HNRNPU: variants seen among roughly 807,000 people sequenced by gnomAD.
The protein encoded by HNRNPU is heterogeneous nuclear ribonucleoprotein U, also known as HNRNPU antisense RNA 1.
Under a neutral mutation model 94.7 loss-of-function variants are expected in HNRNPU, and 5 were observed. The ratio of observed to expected loss-of-function variants is 0.05; its 90% CI spans 0.03 to 0.11. HNRNPU has a LOEUF of 0.11. Among genes scored for constraint, HNRNPU ranks in the 10% least tolerant of loss-of-function variants. HNRNPU has a pLI of 1.00. For missense variants in HNRNPU, 710 were observed against 1,049.2 expected (o/e 0.68, Z 4.47); for synonymous variants, 434 against 381.6 (o/e 1.14, Z -1.60).
At position 244,858,486 on chromosome 1, in the gene HNRNPU, G is replaced by A. The variant is rs139419100; in HGVS notation, c.1231-212C>T. On this transcript the variant is annotated intron_variant, in intron 6 of 13. Transcript: ENST00000640218. Reference sequence around the variant, plus strand: ...AACCAGAAACAATACTGACCTAGAAGCTAGACTGAATTTTCTAGGTCAATT... The same window carrying A: ...AACCAGAAACAATACTGACCTAGAAACTAGACTGAATTTTCTAGGTCAATT... 174 of 609,744 alleles carry A rather than the reference G, an allele frequency of 2.9e-4. 1 individual carries two copies. The East Asian group carries it at 4.7e-3, about 17-fold the overall frequency. The allele number at this position is 609,744 out of a possible 1,614,324, so 37.8% of individuals were successfully genotyped here. A position where few individuals can be genotyped will look rare whatever the true frequency, so the allele number is the denominator to read the frequency against.
chr1:244,863,076 C>T (rs537861618), intron 1 of HNRNPU: 2 of 286,928 alleles, frequency 7.0e-6, no homozygotes, highest in South Asian at 8.8e-5. Context: ...GCCCGCGCTC[C>T]CCGCGGCCGC....
rs563840456 is a variant in HNRNPU at position 244,852,841 on chromosome 1, C to T, written c.*1609G>A. 4 of 152,728 alleles carry T rather than the reference C, an allele frequency of 2.6e-5. No individual in the cohort carries two copies. In the South Asian group the frequency reaches 8.3e-4, roughly 32 times the overall value. 9.5% of individuals were successfully genotyped at this position (152,728 alleles called of 1,614,324 possible). ...CTAAAAACACCAAGGAAACGCTAGA[C>T]TGAAGTCAAATTTTAGTTCTACAGT... On this transcript the variant is annotated 3_prime_UTR_variant, in exon 14 of 14. Coordinates refer to ENST00000640218, the MANE Select transcript of HNRNPU (RefSeq NM_031844.3).
rs540197893 is a variant in HNRNPU, at chr1:244,857,482, G to C, written c.1614+116C>G. On this transcript the variant is annotated intron_variant, in intron 8 of 13. Transcript: ENST00000640218. ...GGTGGGTCTCAAACTCCTGACCTCA[G>C]GTGATCCATCCACCTCAGCCTCTCA... 3.8e-6 allele frequency: 4 copies of C among 1,065,626 alleles called. No individual in the cohort carries two copies. In the South Asian group the frequency reaches 6.3e-5, roughly 17 times the overall value. 66.0% of individuals were successfully genotyped at this position (1,065,626 alleles called of 1,614,324 possible).
chr1:244,860,794 C>G (rs1224629886), intron 3 of HNRNPU: 1 of 349,074 alleles, frequency 2.9e-6, no homozygotes, highest in African/African-American at 2.1e-5. Context: ...TAGAGGCAAG[C>G]AGTAGAGGAT....
In HNRNPU at chr1:244,862,759, CA is replaced by C. The variant is rs759053969; in HGVS notation, c.692-30del. The C allele has an allele frequency of 8.4e-6, 13 of 1,542,192 alleles. No homozygotes were observed. In the African/African-American group the frequency reaches 1.5e-4, roughly 18 times the overall value. ...AAACACACACGAGCCCCATAAAGGCCAAGCCTCTAAACAACAAAAAAACGCT... is the reference window on the plus strand; with the variant it reads ...AAACACACACGAGCCCCATAAAGGCCAGCCTCTAAACAACAAAAAAACGCT... On this transcript the variant is annotated intron_variant, in intron 1 of 13. Transcript: ENST00000640218.
chr1:244,862,763 C>G, intron 1 of HNRNPU, 33 bp from the exon 2 acceptor site: 1 of 1,521,368 alleles, frequency 6.6e-7, no homozygotes, highest in African/African-American at 1.4e-5. Context: ...AAAGGCCAAG[C>G]CTCTAAACAA....
chr1:244,861,478 T>C (rs974590485), intron 3 of HNRNPU: 1 of 152,242 alleles, frequency 6.6e-6, no homozygotes, highest in African/African-American at 2.4e-5. Flanking sequence ...CAGTTTTTTC[T>C]TTTAAAAAGG....
chr1:244,859,559 G>T, intron 4 of HNRNPU, 185 bp from the exon 5 acceptor site: 1 of 418,058 alleles, frequency 2.4e-6, no homozygotes, highest in Non-Finnish European at 4.2e-6. Context: ...GAAATTTAAA[G>T]AGTTAAATAC....
intron 8 of HNRNPU, 153 bp downstream of exon 8, chr1:244,857,445 C>T: frequency 4.1e-6 from 3 of 734,106 alleles, no homozygotes; most frequent in Non-Finnish European, 4.4e-6. Flanking sequence ...CGGGGCTTCG[C>T]CATGTTGGCC....
At position 244,864,476 on chromosome 1, in the gene HNRNPU, T is replaced by G. The variant is rs1680947843; in HGVS notation, c.-169A>C. 8 of 1,168,336 alleles carry G rather than the reference T, an allele frequency of 6.8e-6. No individual in the cohort carries two copies. The highest frequency in any genetic ancestry group is 8.2e-6 in the Non-Finnish European group (7 of 854,620). The allele number at this position is 1,168,336 out of a possible 1,614,324, so 72.4% of individuals were successfully genotyped here. A position where few individuals can be genotyped will look rare whatever the true frequency, so the allele number is the denominator to read the frequency against. The stretch of plus-strand genomic sequence containing the variant: ...TCCGCCTGGTGTCGAACGGCGCCAA[T>G]TCCTTTCACCGAGTTCGCGAGGGAG... On this transcript the variant is annotated 5_prime_UTR_variant, in exon 1 of 14. Transcript: ENST00000640218.
intron 4 of HNRNPU, chr1:244,860,095 T>C (rs1028625303): frequency 2.1e-5 from 8 of 385,364 alleles, no homozygotes; most frequent in East Asian, 4.2e-5. Context: ...AGGTCAAGAG[T>C]TGGCGACCAG....
chr1:244,862,295 G>A (rs1212714518), intron 3 of HNRNPU, 166 bp downstream of exon 3: 13 of 578,148 alleles, frequency 2.2e-5, no homozygotes, highest in African/African-American at 1.9e-5. Context: ...AACTGATGAC[G>A]TGCTAAATAT....
intron 1 of HNRNPU, chr1:244,863,065 G>A (rs894171957): frequency 5.0e-5 from 15 of 298,186 alleles, no homozygotes; most frequent in African/African-American, 2.9e-4. Context: ...CTCCCCCGCG[G>A]GCCCGCGCTC....
rs1216915803 is a variant in HNRNPU at position 244,851,495 on chromosome 1, G to A, written c.*2955C>T. The A allele has an allele frequency of 6.6e-6, 1 of 152,080 alleles. No homozygotes were observed. The highest frequency in any genetic ancestry group is 1.5e-5 in the Non-Finnish European group (1 of 68,010). The allele number at this position is 152,080 out of a possible 1,614,324, so 9.4% of individuals were successfully genotyped here. ...CTGTTCATGAATATAAAATCCCCAG[G>A]TGAAAGTCCCTTAAAACACTATTAT... is the stretch of plus-strand genomic sequence containing the variant. On this transcript the variant is annotated 3_prime_UTR_variant, in exon 14 of 14. Coordinates refer to ENST00000640218, the MANE Select transcript of HNRNPU (RefSeq NM_031844.3).
chr1:244,855,367 C>T (rs1680650076), intron 12 of HNRNPU, 57 bp downstream of exon 12: 2 of 1,535,918 alleles, frequency 1.3e-6, no homozygotes, highest in South Asian at 2.3e-5. Flanking sequence ...AAAGCTCACA[C>T]CTTTCCAGAC....
intron 1 of HNRNPU, 45 bp downstream of exon 1, chr1:244,863,572 C>G: frequency 7.3e-7 from 1 of 1,374,868 alleles, no homozygotes; most frequent in South Asian, 1.7e-5. Context: ...GGTCCCCACC[C>G]CGCGCGGGCC....
intron 8 of HNRNPU, 146 bp from the exon 9 acceptor site, chr1:244,857,002 G>T: frequency 1.5e-6 from 1 of 669,494 alleles, no homozygotes; most frequent in Non-Finnish European, 2.5e-6. Context: ...CAAAAACAGG[G>T]TCACTTAAAC....
At chr1:244,857,247 CTTTT>C (rs36015618) in intron 8 of HNRNPU, 9 of 174,468 alleles carry the variant, frequency 5.2e-5, no homozygotes, top group East Asian at 2.8e-4. Context: ...TTTTTCTTTT[CTTTT>C]TTTTTTTTTT....
chr1:244,862,774 CAAA>C (rs767003142), intron 1 of HNRNPU, 44 bp from the exon 2 acceptor site: 2 of 1,438,094 alleles, frequency 1.4e-6, no homozygotes, highest in Non-Finnish European at 1.9e-6. Context: ...CTCTAAACAA[CAAA>C]AAAACGCTTT....
Sources: gnomAD v4.1 joint callset for allele counts on GRCh38, gnomAD v4.1.1 for gene constraint, MANE v1.5 for transcripts, NCBI Gene and HGNC (gene_info 2026-07-23, HGNC 2026-07-21) for gene names.